Variants in UGT2B4 observed in about 807,000 individuals in gnomAD.
UGT2B4 encodes UDP-glucuronosyltransferase 2B4.
In UGT2B4, 49 loss-of-function variants were observed where a neutral mutation model predicts 49.8. The ratio of observed to expected loss-of-function variants is 0.98; its 90% CI spans 0.78 to 1.25. The LOEUF is 1.25. Ranked by LOEUF, UGT2B4 falls within the 50% of genes most tolerant of loss-of-function variation. The pLI, the probability that UGT2B4 is intolerant of heterozygous loss-of-function variation, is 0.00. For missense variants in UGT2B4, 729 were observed against 627.7 expected, an observed-to-expected ratio of 1.16 and a Z score of -1.73; for synonymous variants, 246 against 217.7, an observed-to-expected ratio of 1.13 and a Z score of -1.14.
chr4:69,494,966 C>T (rs189831710), intron 1 of UGT2B4, among the ~76,000 whole-genome samples, 175 bp downstream of exon 1: 11 of 152,146 alleles, frequency 7.2e-5, no homozygotes, highest in East Asian at 3.9e-4. Flanking sequence ...TTAACTGATC[C>T]TATAATTTAC....
At chr4:69,500,606 G>GAAAGAAAGA (rs1728282840), upstream of UGT2B4, among the ~76,000 whole-genome samples, 6 of 99,598 alleles carry the variant, frequency 6.0e-5, no homozygotes, top group Non-Finnish European at 1.2e-4. Flanking sequence ...AGAAAGCAAG[G>GAAAGAAAGA]AAGAAAGAAA....
At chr4:69,498,668 G>T (rs979491982), upstream of UGT2B4, among the ~76,000 whole-genome samples, 2 of 152,184 alleles carry the variant, frequency 1.3e-5, no homozygotes, top group Non-Finnish European at 2.9e-5. Context: ...AGTGTTTATA[G>T]TATTCTCTGA....
intron 5 of UGT2B4, among the ~76,000 whole-genome samples, chr4:69,482,459 G>T (rs971532821): frequency 2.0e-5 from 3 of 152,102 alleles, no homozygotes; most frequent in African/African-American, 7.2e-5. Context: ...ATGATAGAGG[G>T]TATCAGAATC....
At chr4:69,504,366 A>G (rs1728418311) in intron 1 of UGT2B4, among the ~76,000 whole-genome samples, 1 of 152,136 alleles carries the variant, frequency 6.6e-6, no homozygotes, top group South Asian at 2.1e-4. Flanking sequence ...AGTATAAAGA[A>G]CTCTACTTTA....
intron 1 of UGT2B4, among the ~76,000 whole-genome samples, chr4:69,502,948 T>C (rs1728379490): frequency 6.8e-6 from 1 of 147,438 alleles, no homozygotes; most frequent in African/African-American, 2.5e-5. Context: ...CCTGGGATGA[T>C]TGCATTGAGT....
intron 1 of UGT2B4, among the ~76,000 whole-genome samples, chr4:69,514,366 G>C (rs569110325): frequency 6.6e-6 from 1 of 152,186 alleles, no homozygotes; most frequent in South Asian, 2.1e-4. Context: ...GCAATAGTTT[G>C]CTGAGATGAT....
upstream of UGT2B4, among the ~76,000 whole-genome samples, chr4:69,498,006 C>G (rs1174920851): frequency 5.1e-5 from 5 of 97,654 alleles, no homozygotes; most frequent in African/African-American, 1.5e-4. Flanking sequence ...AGACTCTCCA[C>G]GAAGAAAAAA....
chr4:69,525,741 C>T lies in UGT2B4; in HGVS notation c.-160G>A, dbSNP rs1366800543. 4 of 1,265,830 alleles carry T rather than the reference C, an allele frequency of 3.2e-6. No individual in the cohort carries two copies. The East Asian group carries it at 2.3e-4, about 73-fold the overall frequency. The allele number at this position is 1,265,830 out of a possible 1,614,324, so 78.4% of individuals were successfully genotyped here. A position where few individuals can be genotyped will look rare whatever the true frequency, so the allele number is the denominator to read the frequency against. On this transcript the variant is annotated 5_prime_UTR_variant, in exon 1 of 2. Transcript: ENST00000510114. ...AGAGCAAAAAACATTATGATGTAGT[C>T]CCTGTGCTCAAGCAGCTCACATGTT...
chr4:69,502,778 C>A (rs1257630900), intron 1 of UGT2B4, among the ~76,000 whole-genome samples: 1 of 152,116 alleles, frequency 6.6e-6, no homozygotes, highest in Non-Finnish European at 1.5e-5. Flanking sequence ...CCTCAGACTA[C>A]CAAAGGATCA....
exon 1 of UGT2B4, chr4:69,525,760 A>T: frequency 3.2e-6 from 4 of 1,237,682 alleles, no homozygotes; most frequent in Non-Finnish European, 4.2e-6. Flanking sequence ...CAAGCAGCTC[A>T]CATGTTTATA....
rs1728625553 is a variant in UGT2B4, at chr4:69,512,342, T to C, written c.-106+13345A>G. 3.9e-5 allele frequency among the ~76,000 whole-genome samples: 6 copies of C among 152,246 alleles called. No individual in the cohort carries two copies. In the South Asian group the frequency reaches 1.2e-3, roughly 32 times the overall value. On this transcript the variant is annotated intron_variant, in intron 1 of 1. Coordinates refer to the UGT2B4 transcript ENST00000510114. ...CCTGTAAATTTTGGTATGTTGTGTT[T>C]TTATTTTCACTTATCTCAAATTTTT...
chr4:69,500,652 A>AGAAG, upstream of UGT2B4, among the ~76,000 whole-genome samples: 1 of 139,368 alleles, frequency 7.2e-6, no homozygotes, highest in South Asian at 2.3e-4. Flanking sequence ...AAAGAAAGAA[A>AGAAG]GAAAGAAAGA....
chr4:69,508,103 A>G (rs1728520843), intron 1 of UGT2B4, among the ~76,000 whole-genome samples: 1 of 152,260 alleles, frequency 6.6e-6, no homozygotes, highest in South Asian at 2.1e-4. Flanking sequence ...ATAGCTGAGC[A>G]TCACTGATTA....
rs1398112886 is a variant in UGT2B4 at position 69,485,282 on chromosome 4, A to T, written c.1236T>A (p.Ala412=). Residue 412 remains alanine (A), a synonymous_variant, in exon 5 of 6, where the codon GCT becomes GCA. Transcript: ENST00000305107. ...NIAHMKAKGA[A]VSLDFHTMSS... ...ACATTGTGTGGAAGTCCAAACTAACAGCTGCTCCCTTGGCCTTCATGTGTG... is the reference window on the plus strand; with the variant it reads ...ACATTGTGTGGAAGTCCAAACTAACTGCTGCTCCCTTGGCCTTCATGTGTG... 1.2e-6 allele frequency: 2 copies of T among 1,613,816 alleles called. No individual in the cohort carries two copies. Among genetic ancestry groups the T allele is most frequent in the Non-Finnish European group, 8.5e-7 (1 of 1,179,896 alleles).
chr4:69,497,133 G>A (rs1003329917), upstream of UGT2B4, among the ~76,000 whole-genome samples: 1 of 152,088 alleles, frequency 6.6e-6, no homozygotes, highest in African/African-American at 2.4e-5. Context: ...TTTGAAATGT[G>A]GTTTTCTCTT....
intron 4 of UGT2B4, 130 bp downstream of exon 4, chr4:69,486,479 A>T (rs1727788637): frequency 7.1e-6 from 4 of 564,822 alleles, no homozygotes; most frequent in Non-Finnish European, 1.1e-5. Flanking sequence ...TGGAAAATAA[A>T]TATAAAGAAG....
intron 1 of UGT2B4, among the ~76,000 whole-genome samples, chr4:69,513,069 CA>C (rs1440997630): frequency 6.6e-6 from 1 of 152,158 alleles, no homozygotes; most frequent in Non-Finnish European, 1.5e-5. Flanking sequence ...TTTTGCTGTG[CA>C]AAACCTATTT....
At chr4:69,485,545 T>A in intron 4 of UGT2B4, 118 bp from the exon 5 acceptor site, 1 of 1,402,110 alleles carries the variant, frequency 7.1e-7, no homozygotes, top group Non-Finnish European at 9.9e-7. Context: ...ATTAAAATTG[T>A]TTTTGAGACT....
intron 1 of UGT2B4, among the ~76,000 whole-genome samples, chr4:69,515,369 C>T (rs1728704515): frequency 6.6e-6 from 1 of 152,114 alleles, no homozygotes; most frequent in Non-Finnish European, 1.5e-5. Flanking sequence ...TTCACTAAAT[C>T]CACACCAACA....
Sources: allele counts gnomAD v4.1 joint callset (sites outside exome capture counted in the v4.1 genomes callset), GRCh38; gene constraint gnomAD v4.1.1; transcripts MANE v1.5; gene names NCBI Gene and HGNC (gene_info 2026-07-23, HGNC 2026-07-21).